SNAP91: variants seen among roughly 807,000 people sequenced by gnomAD.
SNAP91 encodes the protein clathrin coat assembly protein AP180.
A neutral mutation model predicts 100.3 loss-of-function variants in SNAP91; 27 were observed. The observed-to-expected ratio is 0.27, with a 90% confidence interval of 0.20 to 0.37. The LOEUF is 0.37. Ranked by LOEUF, SNAP91 falls within the 10% of genes least tolerant of loss-of-function variation. The probability of loss-of-function intolerance (pLI) is 1.00; values close to 1 mark genes in which losing one functional copy is unlikely to be tolerated. For synonymous variants in SNAP91, 404 were observed against 398.6 expected, an observed-to-expected ratio of 1.01 and a Z score of -0.16; for missense variants, 986 against 1,123.7, an observed-to-expected ratio of 0.88 and a Z score of 1.75.
At chr6:83,634,113 TA>T (rs922204628) in intron 8 of SNAP91, among the ~76,000 whole-genome samples, 14 of 151,736 alleles carry the variant, frequency 9.2e-5, no homozygotes, top group South Asian at 4.2e-4. Flanking sequence ...ATAATAAAAT[TA>T]AAAAAAAATT....
intron 16 of SNAP91, among the ~76,000 whole-genome samples, chr6:83,597,103 T>G (rs190907941): frequency 6.6e-6 from 1 of 152,308 alleles, no homozygotes; most frequent in East Asian, 1.9e-4. Flanking sequence ...TCTTGTTACT[T>G]GAAACTAAAT....
intron 2 of SNAP91, among the ~76,000 whole-genome samples, chr6:83,678,167 T>C (rs2098935884): frequency 6.6e-6 from 1 of 152,170 alleles, no homozygotes; most frequent in Non-Finnish European, 1.5e-5. Flanking sequence ...TCAAAGAATC[T>C]TGAACTAAAA....
intron 8 of SNAP91, among the ~76,000 whole-genome samples, chr6:83,630,584 C>T (rs984746144): frequency 2.0e-5 from 3 of 151,920 alleles, no homozygotes; most frequent in African/African-American, 7.3e-5. Flanking sequence ...TTGTATCTTT[C>T]CAGAAATTAA....
At chr6:83,629,024 T>G (rs1399159494) in intron 8 of SNAP91, among the ~76,000 whole-genome samples, 1 of 152,234 alleles carries the variant, frequency 6.6e-6, no homozygotes, top group Non-Finnish European at 1.5e-5. Flanking sequence ...TTAATCCATC[T>G]TGAGTTGATT....
rs370626549 is a variant in SNAP91 at position 83,665,619 on chromosome 6, A to G, written c.131-38T>C. 120 of 1,575,510 alleles carry G rather than the reference A, an allele frequency of 7.6e-5. No individual in the cohort carries two copies. The African/African-American group carries it at 1.5e-3, about 20-fold the overall frequency. On this transcript the variant is annotated intron_variant, in intron 2 of 29. Coordinates refer to ENST00000369694, the MANE Select transcript of SNAP91 (RefSeq NM_001242792.2). Reference sequence around the variant, plus strand: ...AAGATATTAATCAATGATATTAACAATTACATGCAAAAATTCATTTCAAAC... The same window carrying G: ...AAGATATTAATCAATGATATTAACAGTTACATGCAAAAATTCATTTCAAAC...
intron 2 of SNAP91, chr6:83,690,140 C>T (rs1341783813): frequency 3.0e-6 from 1 of 338,490 alleles, no homozygotes; most frequent in African/African-American, 2.2e-5. Context: ...GTGAGCATCA[C>T]ATTTGAGAGT....
chr6:83,698,006 G>A (rs2099242920), intron 2 of SNAP91, among the ~76,000 whole-genome samples: 1 of 152,034 alleles, frequency 6.6e-6, no homozygotes, highest in Admixed American at 6.6e-5. Flanking sequence ...GGGCCATGTA[G>A]GCACTGAAAA....
chr6:83,624,116 G>C (rs958031988), intron 8 of SNAP91, among the ~76,000 whole-genome samples: 29 of 152,154 alleles, frequency 1.9e-4, no homozygotes, highest in African/African-American at 6.7e-4. Flanking sequence ...TGTAGAAGTG[G>C]AATTACCAGA....
rs116834956 is a variant in SNAP91, at chr6:83,665,260, T to C, written c.273+179A>G. Among the ~76,000 whole-genome samples, 465 of 152,144 alleles carry C rather than the reference T, an allele frequency of 3.1e-3. 2 individuals carry two copies. Among genetic ancestry groups the C allele is most frequent in the African/African-American group, 0.011 (437 of 41,530 alleles). ...TCTAAGACAATGTCTAACTTAAAGT[T>C]TATTTTTTGTTAACTAGCTAAGGAG... is the stretch of plus-strand genomic sequence containing the variant. On this transcript the variant is annotated intron_variant, in intron 3 of 29. Transcript: ENST00000369694.
At chr6:83,666,728 T>C (rs2098693613) in intron 2 of SNAP91, among the ~76,000 whole-genome samples, 1 of 152,104 alleles carries the variant, frequency 6.6e-6, no homozygotes, top group Non-Finnish European at 1.5e-5. Context: ...TATTTCTTAA[T>C]TTATACTGAT....
chr6:83,598,981 C>A (rs971941525), intron 16 of SNAP91, among the ~76,000 whole-genome samples: 1 of 152,102 alleles, frequency 6.6e-6, no homozygotes, highest in African/African-American at 2.4e-5. Context: ...TGTCATTGTA[C>A]ACTCATTTCT....
chr6:83,703,026 T>C (rs2099333760), intron 2 of SNAP91, among the ~76,000 whole-genome samples: 1 of 152,136 alleles, frequency 6.6e-6, no homozygotes, highest in Admixed American at 6.5e-5. Context: ...ACATGTATGG[T>C]ATGAATTATA....
intron 21 of SNAP91, among the ~76,000 whole-genome samples, chr6:83,592,037 T>C (rs2093829144): frequency 6.6e-6 from 1 of 152,232 alleles, no homozygotes; most frequent in Admixed American, 6.5e-5. Context: ...GACTTATGCT[T>C]TCAGTTTTAA....
Position 83,575,000 on chromosome 6 carries a change from T to A in SNAP91, c.2442+10A>T. ...TGCCTGCGCTGCCCTGGGCTCTGATTGCTACATACCAAAGGTGCACTTGGT... is the reference window on the plus strand; with the variant it reads ...TGCCTGCGCTGCCCTGGGCTCTGATAGCTACATACCAAAGGTGCACTTGGT... On this transcript the variant is annotated intron_variant, in intron 26 of 29. Coordinates refer to ENST00000369694, the MANE Select transcript of SNAP91 (RefSeq NM_001242792.2). 1 of 1,565,472 alleles carries A rather than the reference T, an allele frequency of 6.4e-7. No individual in the cohort carries two copies. Among genetic ancestry groups the A allele is most frequent in the Non-Finnish European group, 8.7e-7 (1 of 1,148,110 alleles).
rs761584127 is a variant in SNAP91, at chr6:83,707,953, C to T, written c.-26G>A. On this transcript the variant is annotated 5_prime_UTR_variant, in exon 2 of 30. Coordinates refer to ENST00000369694, the MANE Select transcript of SNAP91 (RefSeq NM_001242792.2). ...CTTCTGTGGTCGCGTCTACCGCCTC[C>T]TCTTCTGCAGGAAACAAGGGGAGAC... 1 of 1,559,494 alleles carries T rather than the reference C, an allele frequency of 6.4e-7. No individual in the cohort carries two copies. The highest frequency in any genetic ancestry group is 1.2e-5 in the South Asian group (1 of 82,172).
chr6:83,665,667 C>T lies in SNAP91; in HGVS notation c.131-86G>A, dbSNP rs1034537836. 18 of 1,179,636 alleles carry T rather than the reference C, an allele frequency of 1.5e-5. No homozygotes were observed. In the African/African-American group the frequency reaches 2.8e-4, roughly 18 times the overall value. The allele number at this position is 1,179,636 out of a possible 1,614,324, so 73.1% of individuals were successfully genotyped here. Reference sequence around the variant, plus strand: ...AACTTGGAACATATAAGCCTGTTTACTAATATATGACCTTAAAAGTACTTT... The same window carrying T: ...AACTTGGAACATATAAGCCTGTTTATTAATATATGACCTTAAAAGTACTTT... On this transcript the variant is annotated intron_variant, in intron 2 of 29. Coordinates refer to ENST00000369694, the MANE Select transcript of SNAP91 (RefSeq NM_001242792.2).
chr6:83,609,995 C>G (rs1383797375), intron 12 of SNAP91, among the ~76,000 whole-genome samples: 3 of 152,150 alleles, frequency 2.0e-5, no homozygotes, highest in Non-Finnish European at 4.4e-5. Flanking sequence ...ATATACTATA[C>G]TACATTGGAC....
chr6:83,562,838 C>T (rs1169248708), intron 26 of SNAP91, among the ~76,000 whole-genome samples: 2 of 152,246 alleles, frequency 1.3e-5, no homozygotes, highest in Admixed American at 6.5e-5. Context: ...CTCTCACTCT[C>T]TTTTGCTCCT....
chr6:83,687,705 G>T (rs550327164), intron 2 of SNAP91, among the ~76,000 whole-genome samples: 1 of 152,274 alleles, frequency 6.6e-6, no homozygotes, highest in South Asian at 2.1e-4. Flanking sequence ...ACGGGAGAAG[G>T]ACAGAAGCAG....
Sources: gnomAD v4.1 joint callset for allele counts (sites outside exome capture counted in the v4.1 genomes callset) on GRCh38, gnomAD v4.1.1 for gene constraint, MANE v1.5 for transcripts, NCBI Gene and HGNC (gene_info 2026-07-23, HGNC 2026-07-21) for gene names.